The following PRKCQ variants were observed in gnomAD, a reference collection of about 807,000 sequenced individuals.
The protein encoded by PRKCQ is protein kinase C theta.
PRKCQ carries 41 observed loss-of-function variants against 91.2 expected under a neutral mutation model. That is an observed-to-expected ratio of 0.45 (90% CI 0.35 to 0.58). The LOEUF (loss-of-function observed/expected upper bound fraction) is 0.58, where lower values mean the gene tolerates loss of function less well. Among genes scored for constraint, PRKCQ ranks in the 20% least tolerant of loss-of-function variants. The pLI is 0.00. For missense variants in PRKCQ, 673 were observed against 896.5 expected, an observed-to-expected ratio of 0.75 and a Z score of 3.18; for synonymous variants, 307 against 316.9, an observed-to-expected ratio of 0.97 and a Z score of 0.33.
Position 6,430,876 on chromosome 10 carries a change from C to A in PRKCQ, c.1899G>T (p.Leu633Phe), listed in dbSNP as rs758729524. Reference protein sequence around the residue: ...GVRGDIRQHPLFREINWEELE... With the variant: ...GVRGDIRQHPFFREINWEELE... ...GTTCCTCCCAGTTGATCTCCCGAAA[C>A]AAAGGGTGCTGGCGGATGTCTCCCC... Residue 633 changes from leucine to phenylalanine, a missense_variant, in exon 17 of 18, where the codon TTG (leucine) becomes TTT (phenylalanine). Physicochemically the swap from Leu to Phe is conservative, Grantham distance 22. Transcript: ENST00000263125. The surrounding 1 kb of genome is among the most constrained non-coding windows in gnomAD (Gnocchi z 4.7). The A allele has an allele frequency of 3.1e-6, 5 of 1,614,184 alleles. No individual in the cohort carries two copies. The highest frequency in any genetic ancestry group is 4.2e-6 in the Non-Finnish European group (5 of 1,180,040).
the PRKCQ span, among the ~76,000 whole-genome samples, chr10:6,411,046 A>C: frequency 7.9e-5 from 12 of 151,434 alleles, no homozygotes; most frequent in East Asian, 2.3e-3. Context: ...ACGGCGGACG[A>C]TTAGAGCTAG....
At chr10:6,415,732 C>A in the PRKCQ span, among the ~76,000 whole-genome samples, 3 of 77,280 alleles carry the variant, frequency 3.9e-5, no homozygotes, top group Non-Finnish European at 9.5e-5. Context: ...GCTAATGTTT[C>A]TCTCTCTCTC....
intron 1 of PRKCQ, among the ~76,000 whole-genome samples, chr10:6,527,448 A>G (rs1839239580): frequency 6.6e-6 from 1 of 152,212 alleles, no homozygotes; most frequent in South Asian, 2.1e-4. Flanking sequence ...GAGAAGGCTC[A>G]TATTTTCCCT....
chr10:6,508,347 C>T (rs1013301222), intron 3 of PRKCQ, among the ~76,000 whole-genome samples: 2 of 152,174 alleles, frequency 1.3e-5, no homozygotes, highest in Non-Finnish European at 2.9e-5. Flanking sequence ...GGGTTATCCA[C>T]GTGAGCCGGA....
At chr10:6,548,102 C>T (rs1456580486) in intron 1 of PRKCQ, among the ~76,000 whole-genome samples, 1 of 152,184 alleles carries the variant, frequency 6.6e-6, no homozygotes, top group Non-Finnish European at 1.5e-5. Context: ...CAAAAGAAGA[C>T]ATTTATGCAG....
the PRKCQ span, among the ~76,000 whole-genome samples, chr10:6,417,995 C>T: frequency 2.6e-5 from 4 of 152,204 alleles, no homozygotes; most frequent in Non-Finnish European, 5.9e-5. Flanking sequence ...CTCCCAGAGG[C>T]GCGCCTTCTT....
At chr10:6,562,788 C>T (rs1840683000) in intron 1 of PRKCQ, among the ~76,000 whole-genome samples, 1 of 152,092 alleles carries the variant, frequency 6.6e-6, no homozygotes, top group South Asian at 2.1e-4. Context: ...TATTTAACCT[C>T]ACTTTTCTTA....
At chr10:6,522,376 A>G (rs1839046755) in intron 1 of PRKCQ, among the ~76,000 whole-genome samples, 1 of 152,170 alleles carries the variant, frequency 6.6e-6, no homozygotes, top group Admixed American at 6.5e-5. Flanking sequence ...TCAGTGCTTT[A>G]GGTCACACGC....
At chr10:6,566,533 T>C (rs957740292) in intron 1 of PRKCQ, among the ~76,000 whole-genome samples, 2 of 152,114 alleles carry the variant, frequency 1.3e-5, no homozygotes, top group African/African-American at 4.8e-5. Flanking sequence ...CCGACTTCAC[T>C]GTTGGGTGGG....
downstream of PRKCQ, among the ~76,000 whole-genome samples, chr10:6,426,916 A>T (rs1223657244): frequency 6.6e-6 from 1 of 152,144 alleles, no homozygotes; most frequent in Middle Eastern, 3.2e-3. Context: ...TTGTATTTTT[A>T]GTAGAGACAG....
At chr10:6,572,186 G>C (rs1841071066) in intron 1 of PRKCQ, among the ~76,000 whole-genome samples, 1 of 152,140 alleles carries the variant, frequency 6.6e-6, no homozygotes, top group Non-Finnish European at 1.5e-5. Context: ...TAAAGGAATG[G>C]TATAGAAAAC....
rs576963214 is a variant in PRKCQ at position 6,484,011 on chromosome 10, C to T, written c.1019-411G>A. On this transcript the variant is annotated intron_variant, in intron 10 of 17. Transcript: ENST00000263125. The stretch of plus-strand genomic sequence containing the variant: ...CAATTGTTTGCATGGCTCACAAACA[C>T]AGTGGCATCAATTTCTACAATTTAC... Among the ~76,000 whole-genome samples, 9 of 152,318 alleles carry T rather than the reference C, an allele frequency of 5.9e-5. 1 individual carries two copies. The Middle Eastern group carries it at 0.014, about 230-fold the overall frequency.
chr10:6,430,530 A>C lies in PRKCQ; in HGVS notation c.1965+280T>G, dbSNP rs112123005. ...CATCTTGTTTAATAGTCACCCTCAC[A>C]AATTCATATTCAACCTAAGGCGTGG... On this transcript the variant is annotated intron_variant, in intron 17 of 17. Coordinates refer to ENST00000263125, the MANE Select transcript of PRKCQ (RefSeq NM_006257.5). The surrounding 1 kb of genome is among the most constrained non-coding windows in gnomAD (Gnocchi z 4.7). 0.016 allele frequency among the ~76,000 whole-genome samples: 2,431 copies of C among 152,308 alleles called. 39 individuals are homozygous for C. Among genetic ancestry groups the C allele is most frequent in the Non-Finnish European group, 0.024 (1,613 of 68,020 alleles).
chr10:6,496,950 G>T, intron 7 of PRKCQ, 85 bp downstream of exon 7: 2 of 1,221,854 alleles, frequency 1.6e-6, no homozygotes, highest in South Asian at 1.2e-5. Flanking sequence ...GCAAGTTCTG[G>T]CATTATTCTG....
At chr10:6,493,354 A>G (rs1837424045) in intron 7 of PRKCQ, among the ~76,000 whole-genome samples, 1 of 152,232 alleles carries the variant, frequency 6.6e-6, no homozygotes, top group South Asian at 2.1e-4. Context: ...ATTAAATAAA[A>G]TGTATTATTA....
intron 1 of PRKCQ, among the ~76,000 whole-genome samples, chr10:6,573,925 T>G (rs577452684): frequency 2.0e-5 from 3 of 152,180 alleles, no homozygotes; most frequent in Non-Finnish European, 4.4e-5. Context: ...GAGACTAGCC[T>G]GGGCAACATG....
intron 14 of PRKCQ, among the ~76,000 whole-genome samples, chr10:6,458,634 C>T (rs1005589655): frequency 8.5e-5 from 13 of 152,074 alleles, no homozygotes; most frequent in Admixed American, 2.0e-4. Flanking sequence ...CCCAGCATTA[C>T]GGCCGGCTGG....
In PRKCQ at chr10:6,500,918, C is replaced by T. The variant is rs1393081177; in HGVS notation, c.380-2360G>A. ...GCACAGAACAGCCAACCTTAAGAGG[C>T]AATATATGATGGTGTGGAATAGGCT... On this transcript the variant is annotated intron_variant, in intron 4 of 17. Transcript: ENST00000263125. Among the ~76,000 whole-genome samples the T allele has an allele frequency of 2.0e-5, 3 of 151,916 alleles. No individual in the cohort carries two copies. In the East Asian group the frequency reaches 5.8e-4, roughly 29 times the overall value.
At chr10:6,553,033 T>C (rs1840251444) in intron 1 of PRKCQ, among the ~76,000 whole-genome samples, 2 of 152,290 alleles carry the variant, frequency 1.3e-5, no homozygotes, top group South Asian at 2.1e-4. Flanking sequence ...ATCTCTTTAA[T>C]GTCTGGTTTA....
Sources: gnomAD v4.1 joint callset for allele counts (sites outside exome capture counted in the v4.1 genomes callset) on GRCh38, gnomAD v4.1.1 for gene constraint, Gnocchi (gnomAD v3.1) non-coding constraint, MANE v1.5 for transcripts, NCBI Gene and HGNC (gene_info 2026-07-23, HGNC 2026-07-21) for gene names.